FAM13A: variants seen among roughly 807,000 people sequenced by gnomAD.
FAM13A encodes protein FAM13A.
In FAM13A, 76 loss-of-function variants were observed where a neutral mutation model predicts 129.6. That is an observed-to-expected ratio of 0.59 (90% CI 0.49 to 0.71). The LOEUF (loss-of-function observed/expected upper bound fraction) is 0.71. FAM13A is among the 30% of genes least tolerant of loss of function. FAM13A has a pLI of 0.00. For missense variants in FAM13A, 1,108 were observed against 1,249.3 expected (o/e 0.89, Z 1.70); for synonymous variants, 443 against 449.9 (o/e 0.98, Z 0.20).
At chr4:88,982,463 T>C (rs1267667643) in intron 4 of FAM13A, among the ~76,000 whole-genome samples, 1 of 152,242 alleles carries the variant, frequency 6.6e-6, no homozygotes, top group Non-Finnish European at 1.5e-5. Context: ...CAGTCTCACT[T>C]AAATTTCAAA....
intron 5 of FAM13A, among the ~76,000 whole-genome samples, chr4:88,919,690 G>A (rs1421034358): frequency 3.3e-5 from 5 of 152,240 alleles, no homozygotes; most frequent in African/African-American, 4.8e-5. Flanking sequence ...GTGCCAGACA[G>A]TGGGCGCAGG....
At chr4:88,841,940 G>C (rs533454841) in intron 7 of FAM13A, among the ~76,000 whole-genome samples, 141 of 152,256 alleles carry the variant, frequency 9.3e-4, no homozygotes, top group Middle Eastern at 3.4e-3. Flanking sequence ...CCCGTACGAA[G>C]GCTTCTACAG....
chr4:89,037,876 A>G (rs1769599265), intron 1 of FAM13A, among the ~76,000 whole-genome samples: 2 of 152,158 alleles, frequency 1.3e-5, no homozygotes, highest in African/African-American at 4.8e-5. Context: ...GCCTACCACT[A>G]TGGTTGTAAG....
intron 5 of FAM13A, among the ~76,000 whole-genome samples, chr4:88,913,532 AGAG>A (rs754423885): frequency 4.7e-5 from 7 of 150,440 alleles, no homozygotes; most frequent in Non-Finnish European, 8.9e-5. Context: ...AGGAGGAAGA[AGAG>A]GAAGAAGAGG....
intron 14 of FAM13A, among the ~76,000 whole-genome samples, chr4:88,751,213 G>A (rs934459197): frequency 1.3e-5 from 2 of 152,178 alleles, no homozygotes; most frequent in Non-Finnish European, 2.9e-5. Context: ...CTGCACTCCA[G>A]CCTGGGCGAC....
chr4:88,748,905 G>T, intron 17 of FAM13A, 47 bp downstream of exon 17: 1 of 1,323,088 alleles, frequency 7.6e-7, no homozygotes, highest in South Asian at 1.2e-5. Flanking sequence ...GAGAGATTCT[G>T]CACCTGGCTT....
At chr4:88,866,325 C>T (rs977519605) in intron 6 of FAM13A, among the ~76,000 whole-genome samples, 1 of 152,072 alleles carries the variant, frequency 6.6e-6, no homozygotes, top group East Asian at 1.9e-4. Context: ...GGATTACAGG[C>T]GTGAGGCACT....
chr4:88,987,410 C>T (rs1231805046), intron 4 of FAM13A, among the ~76,000 whole-genome samples: 1 of 152,134 alleles, frequency 6.6e-6, no homozygotes, highest in Non-Finnish European at 1.5e-5. Flanking sequence ...GGGAATGCCA[C>T]AGCCTTACAA....
intron 7 of FAM13A, among the ~76,000 whole-genome samples, chr4:88,844,316 T>G (rs545250562): frequency 2.8e-4 from 43 of 152,312 alleles, no homozygotes; most frequent in Middle Eastern, 6.8e-3. Context: ...AGCCTGAAAC[T>G]GTATTTAATC....
intron 7 of FAM13A, among the ~76,000 whole-genome samples, chr4:88,810,326 A>G (rs1729431128): frequency 6.6e-6 from 1 of 152,164 alleles, no homozygotes; most frequent in Non-Finnish European, 1.5e-5. Flanking sequence ...ATACACTGAA[A>G]CCATAATCCC....
intron 4 of FAM13A, among the ~76,000 whole-genome samples, chr4:88,951,050 T>G (rs1756870238): frequency 6.6e-6 from 1 of 152,158 alleles, no homozygotes; most frequent in East Asian, 1.9e-4. Flanking sequence ...TGTTATGCTG[T>G]AGGCTGGGAG....
At chr4:88,835,875 A>AATAGG (rs1382864118) in intron 7 of FAM13A, among the ~76,000 whole-genome samples, 1 of 152,072 alleles carries the variant, frequency 6.6e-6, no homozygotes, top group Non-Finnish European at 1.5e-5. Context: ...CCTGGTTCTT[A>AATAGG]ATAGGCCATG....
chr4:88,909,572 C>T (rs570380562), intron 5 of FAM13A, among the ~76,000 whole-genome samples: 2 of 151,984 alleles, frequency 1.3e-5, no homozygotes, highest in East Asian at 1.9e-4. Context: ...CTGCAACCTC[C>T]GCCTCCCAGG....
chr4:88,835,617 C>G (rs1734684806), intron 7 of FAM13A, among the ~76,000 whole-genome samples: 1 of 152,020 alleles, frequency 6.6e-6, no homozygotes, highest in Non-Finnish European at 1.5e-5. Flanking sequence ...TATCCTGCAA[C>G]TAGATTGTCC....
chr4:88,851,176 T>A lies in FAM13A; in HGVS notation c.851A>T (p.Lys284Ile). Residue 284 changes from lysine to isoleucine, a missense_variant, in exon 7 of 24, where the codon AAA becomes ATA. By Grantham distance (102) the Lys-to-Ile change is moderately radical. This residue lies in a region of FAM13A where 566 missense variants were observed against 595.7 expected (regional missense o/e 0.95). Transcript: ENST00000264344. ...CTGAATAGATCCCTCACTCCTGGAT[T>A]TTGGGATCTAGAAGAAAAAAAAAAG... ...PKPPPKTKIPKSRSEGSIQAH... is the reference protein window; with the variant it reads ...PKPPPKTKIPISRSEGSIQAH... 1.3e-6 allele frequency: 2 copies of A among 1,586,104 alleles called. No homozygotes were observed. The highest frequency in any genetic ancestry group is 1.7e-6 in the Non-Finnish European group (2 of 1,163,078).
intron 4 of FAM13A, among the ~76,000 whole-genome samples, chr4:88,953,421 C>T (rs1443254659): frequency 6.6e-6 from 1 of 152,176 alleles, no homozygotes; most frequent in East Asian, 1.9e-4. Flanking sequence ...CACCACTGCA[C>T]TCCAGCCTGT....
At chr4:89,011,011 C>A (rs1765659879) in intron 3 of FAM13A, among the ~76,000 whole-genome samples, 1 of 152,104 alleles carries the variant, frequency 6.6e-6, no homozygotes, top group African/African-American at 2.4e-5. Context: ...CCACGCCTGG[C>A]TAATTTTTGT....
intron 7 of FAM13A, among the ~76,000 whole-genome samples, chr4:88,831,886 A>T (rs903368389): frequency 3.3e-5 from 5 of 151,566 alleles, no homozygotes; most frequent in Admixed American, 6.6e-5. Context: ...CAGAATTAGA[A>T]TTTTTTTTTA....
chr4:88,728,618 T>C lies in FAM13A; in HGVS notation c.2987A>G (p.Tyr996Cys). The change falls in exon 24 of 24, where the codon TAC becomes TGC. Residue 996 changes from tyrosine (Y) to cysteine (C), a missense_variant. Tyr to Cys is a radical substitution (Grantham distance 194). Transcript: ENST00000264344. ...KEDRTPMAEEYSEYKHIKAKL... is the reference protein window; with the variant it reads ...KEDRTPMAEECSEYKHIKAKL... ...CGCCTTTATGTGCTTATATTCACTG[T>C]ATTCTTCAGCCATAGGAGTGCGGTC... 1.9e-6 allele frequency: 3 copies of C among 1,614,194 alleles called. No individual in the cohort carries two copies. The highest frequency in any genetic ancestry group is 1.7e-5 in the Admixed American group (1 of 60,034).
Sources: allele counts gnomAD v4.1 joint callset (sites outside exome capture counted in the v4.1 genomes callset), GRCh38; gene constraint gnomAD v4.1.1; regional missense constraint gnomAD v4.1.1; transcripts MANE v1.5; gene names NCBI Gene and HGNC (gene_info 2026-07-23, HGNC 2026-07-21).